SPIDR: variants seen among roughly 807,000 people sequenced by gnomAD.
SPIDR encodes the protein scaffold protein involved in DNA repair.
SPIDR carries 93 observed loss-of-function variants against 104.6 expected under a neutral mutation model. The observed-to-expected ratio is 0.89, with a 90% confidence interval of 0.75 to 1.06. The LOEUF (loss-of-function observed/expected upper bound fraction) is 1.06. Ranked by LOEUF, SPIDR falls within the 50% of genes least tolerant of loss-of-function variation. SPIDR has a pLI of 0.00. For missense variants in SPIDR, 1,154 were observed against 1,111.2 expected, an observed-to-expected ratio of 1.04 and a Z score of -0.55; for synonymous variants, 431 against 416.9, an observed-to-expected ratio of 1.03 and a Z score of -0.41.
At chr8:47,403,125 C>T (rs1207676804) in intron 6 of SPIDR, among the ~76,000 whole-genome samples, 1 of 152,152 alleles carries the variant, frequency 6.6e-6, no homozygotes, top group East Asian at 1.9e-4. Flanking sequence ...TCAATAGATG[C>T]AGAAAAGGCC....
chr8:47,690,810 T>G (rs529794291), intron 11 of SPIDR, among the ~76,000 whole-genome samples: 1 of 151,836 alleles, frequency 6.6e-6, no homozygotes, highest in African/African-American at 2.4e-5. Context: ...CAAGGCGAGA[T>G]TCCATCTCAA....
At chr8:47,565,734 TTA>T (rs1215376754) in intron 8 of SPIDR, among the ~76,000 whole-genome samples, 3 of 151,154 alleles carry the variant, frequency 2.0e-5, no homozygotes, top group African/African-American at 7.3e-5. Context: ...TTATGCATGA[TTA>T]TATAGTCCTT....
intron 5 of SPIDR, among the ~76,000 whole-genome samples, chr8:47,346,326 TC>T (rs201288825): frequency 0.015 from 2,222 of 152,330 alleles, 60 homozygotes; most frequent in African/African-American, 0.049. Flanking sequence ...GCCGACTTGT[TC>T]GTGGTGGATA....
At chr8:47,540,746 G>A (rs2087945542) in intron 8 of SPIDR, among the ~76,000 whole-genome samples, 1 of 151,994 alleles carries the variant, frequency 6.6e-6, no homozygotes, top group African/African-American at 2.4e-5. Flanking sequence ...TTAAGTCAGG[G>A]CCTGTTTTAT....
At chr8:47,732,150 T>C in intron 19 of SPIDR, 1 of 702,608 alleles carries the variant, frequency 1.4e-6, no homozygotes, top group Non-Finnish European at 2.6e-6. Context: ...CCAGGAACCC[T>C]GGCAGAAATC....
intron 8 of SPIDR, among the ~76,000 whole-genome samples, chr8:47,462,358 G>A (rs950163973): frequency 2.6e-5 from 4 of 152,126 alleles, no homozygotes; most frequent in Non-Finnish European, 5.9e-5. Context: ...CAGAGGGTCT[G>A]TGGATTCTCT....
chr8:47,626,629 A>C (rs1008034372), intron 10 of SPIDR, among the ~76,000 whole-genome samples: 1 of 152,248 alleles, frequency 6.6e-6, no homozygotes, highest in Non-Finnish European at 1.5e-5. Flanking sequence ...CAGAAAACAC[A>C]TGAAAAAATG....
At chr8:47,330,815 A>G in intron 5 of SPIDR, 1 of 456,222 alleles carries the variant, frequency 2.2e-6, no homozygotes, top group Non-Finnish European at 4.4e-6. Flanking sequence ...CTATAAACAT[A>G]CATTTGGAAG....
At chr8:47,732,977 A>C (rs1486742581) in intron 19 of SPIDR, among the ~76,000 whole-genome samples, 4 of 152,216 alleles carry the variant, frequency 2.6e-5, no homozygotes, top group African/African-American at 9.6e-5. Context: ...ATATATAGTG[A>C]TTTTTTAAAA....
intron 5 of SPIDR, among the ~76,000 whole-genome samples, chr8:47,296,439 G>T (rs2040852796): frequency 6.6e-6 from 1 of 152,116 alleles, no homozygotes; most frequent in African/African-American, 2.4e-5. Context: ...GTTGATTTTG[G>T]TGTATGGTGT....
At chr8:47,267,624 A>ACTT (rs1203582100) in intron 1 of SPIDR, among the ~76,000 whole-genome samples, 3 of 152,136 alleles carry the variant, frequency 2.0e-5, no homozygotes, top group African/African-American at 7.2e-5. Flanking sequence ...CTTTTCATGT[A>ACTT]CTTATTGGGC....
chr8:47,416,706 G>A (rs1414893075), intron 7 of SPIDR, among the ~76,000 whole-genome samples: 2 of 151,774 alleles, frequency 1.3e-5, no homozygotes, highest in Non-Finnish European at 2.9e-5. Flanking sequence ...GTGCCATGTT[G>A]GTGTGCTGCA....
intron 16 of SPIDR, among the ~76,000 whole-genome samples, chr8:47,717,724 A>G (rs1213731756): frequency 1.3e-5 from 2 of 152,192 alleles, no homozygotes; most frequent in Non-Finnish European, 2.9e-5. Context: ...GCCCCACCTT[A>G]CTTAAACTGA....
chr8:47,440,517 G>C lies in SPIDR; in HGVS notation c.1072G>C (p.Asp358His), dbSNP rs1159526549. The change falls in exon 8 of 20, where the codon GAC becomes CAC. Residue 358 changes from aspartate to histidine, a missense_variant. Coordinates refer to ENST00000297423, the MANE Select transcript of SPIDR (RefSeq NM_001080394.4). ...TAGYLRGRPQ[D>H]TVRIFPPWQK... Reference sequence around the variant, plus strand: ...AGGCTACCTCAGGGGCCGTCCCCAGGACACTGTCCGGATCTTCCCTCCCTG... The same window carrying C: ...AGGCTACCTCAGGGGCCGTCCCCAGCACACTGTCCGGATCTTCCCTCCCTG... 3.7e-6 allele frequency: 6 copies of C among 1,614,024 alleles called. No individual in the cohort carries two copies. The highest frequency in any genetic ancestry group is 5.1e-6 in the Non-Finnish European group (6 of 1,180,014).
At chr8:47,278,171 G>C (rs1213440840) in intron 1 of SPIDR, among the ~76,000 whole-genome samples, 1 of 132,504 alleles carries the variant, frequency 7.5e-6, no homozygotes, top group Non-Finnish European at 1.6e-5. Context: ...CTTGCTTTTT[G>C]TTTTTGGAGA....
At chr8:47,394,956 A>G (rs1278817334) in intron 5 of SPIDR, among the ~76,000 whole-genome samples, 1 of 152,084 alleles carries the variant, frequency 6.6e-6, no homozygotes, top group Non-Finnish European at 1.5e-5. Context: ...AAATTTAGAC[A>G]TTTACTTTTT....
intron 8 of SPIDR, among the ~76,000 whole-genome samples, chr8:47,512,309 TC>T (rs943513676): frequency 8.5e-5 from 13 of 152,266 alleles, no homozygotes; most frequent in African/African-American, 3.1e-4. Context: ...CTTGTGTTGT[TC>T]GTCTCACCCT....
At chr8:47,347,159 C>A (rs1363319709) in intron 5 of SPIDR, among the ~76,000 whole-genome samples, 2 of 152,092 alleles carry the variant, frequency 1.3e-5, no homozygotes, top group Non-Finnish European at 2.9e-5. Flanking sequence ...TTTGTTCTCA[C>A]TGGTTTCAAA....
chr8:47,298,230 G>A (rs899130187), intron 5 of SPIDR, among the ~76,000 whole-genome samples: 33 of 152,284 alleles, frequency 2.2e-4, no homozygotes, highest in African/African-American at 6.0e-4. Context: ...ATCTTTTCAC[G>A]TGTCTTTTGG....
Sources: allele counts gnomAD v4.1 joint callset (sites outside exome capture counted in the v4.1 genomes callset), GRCh38; gene constraint gnomAD v4.1.1; transcripts MANE v1.5; gene names NCBI Gene and HGNC (gene_info 2026-07-23, HGNC 2026-07-21).